Variants in CTNNA3 observed in about 807,000 individuals in gnomAD.
CTNNA3 encodes catenin alpha 3.
Under a neutral mutation model 95.7 loss-of-function variants are expected in CTNNA3, and 76 were observed. That is an observed-to-expected ratio of 0.79 (90% confidence interval 0.66 to 0.96). The LOEUF (loss-of-function observed/expected upper bound fraction) is 0.96. Ranked by LOEUF, CTNNA3 falls within the 40% of genes least tolerant of loss-of-function variation. CTNNA3 has a pLI of 0.00. For missense variants in CTNNA3, 1,191 were observed against 1,089.8 expected, an observed-to-expected ratio of 1.09 and a Z score of -1.31; for synonymous variants, 431 against 374.4, an observed-to-expected ratio of 1.15 and a Z score of -1.74.
chr10:66,097,494 T>C (rs753417387), intron 14 of CTNNA3, among the ~76,000 whole-genome samples: 1 of 152,178 alleles, frequency 6.6e-6, no homozygotes, highest in Non-Finnish European at 1.5e-5. Flanking sequence ...ATCATGATTT[T>C]ACAGATAAGA....
intron 15 of CTNNA3, among the ~76,000 whole-genome samples, chr10:65,994,180 T>C (rs2078600318): frequency 6.6e-6 from 1 of 152,210 alleles, no homozygotes; most frequent in African/African-American, 2.4e-5. Flanking sequence ...TGGTTTGGTG[T>C]TTTTCTGTAG....
At chr10:66,654,491 T>G (rs1006545087) in intron 9 of CTNNA3, among the ~76,000 whole-genome samples, 1 of 152,098 alleles carries the variant, frequency 6.6e-6, no homozygotes. Flanking sequence ...GGAACTCTTG[T>G]ACACTCCTGG....
chr10:67,711,097 C>T (rs1383092374), intron 1 of CTNNA3, among the ~76,000 whole-genome samples: 1 of 152,162 alleles, frequency 6.6e-6, no homozygotes, highest in Non-Finnish European at 1.5e-5. Context: ...TTATCTTCCA[C>T]CATGATTGTG....
chr10:66,083,188 T>A lies in CTNNA3; in HGVS notation c.1978-13699A>T, dbSNP rs143472455. On this transcript the variant is annotated intron_variant, in intron 14 of 17. Coordinates refer to ENST00000433211, the MANE Select transcript of CTNNA3 (RefSeq NM_013266.4). ...TTATAAACTGAGATGCTATAAAAAC[T>A]CACCTAATTTTGGATAACCACATAG... is the stretch of plus-strand genomic sequence containing the variant. 1.0e-3 allele frequency among the ~76,000 whole-genome samples: 153 copies of A among 152,308 alleles called. 1 individual carries two copies. Among genetic ancestry groups the A allele is most frequent in the South Asian group, 3.1e-3 (15 of 4,832 alleles).
At position 66,644,286 on chromosome 10, in the gene CTNNA3, CTG is replaced by C. The variant is rs1564589756; in HGVS notation, c.1282-22504_1282-22503del. ...TCTGTCTGTCTGTCTGTCTGTCTGTCTGTCTGTCTCTCTCTCTCTCTATATAT... is the reference window on the plus strand; with the variant it reads ...TCTGTCTGTCTGTCTGTCTGTCTGTCTCTGTCTCTCTCTCTCTCTATATAT... On this transcript the variant is annotated intron_variant, in intron 9 of 17. Coordinates refer to ENST00000433211, the MANE Select transcript of CTNNA3 (RefSeq NM_013266.4). Among the ~76,000 whole-genome samples, 633 of 109,542 alleles carry C rather than the reference CTG, an allele frequency of 5.8e-3. 7 individuals carry two copies. The highest frequency in any genetic ancestry group is 0.025 in the African/African-American group (571 of 22,718). The allele number at this position is 109,542 out of a possible 152,430, so 71.9% of individuals were successfully genotyped here. A position where few individuals can be genotyped will look rare whatever the true frequency, so the allele number is the denominator to read the frequency against.
At chr10:66,548,121 T>C (rs1842094903) in intron 10 of CTNNA3, among the ~76,000 whole-genome samples, 1 of 152,084 alleles carries the variant, frequency 6.6e-6, no homozygotes, top group Non-Finnish European at 1.5e-5. Context: ...TTCTCCATGT[T>C]GGTCAGGCTG....
At chr10:66,481,309 T>C (rs1839516749) in intron 11 of CTNNA3, among the ~76,000 whole-genome samples, 1 of 152,112 alleles carries the variant, frequency 6.6e-6, no homozygotes. Flanking sequence ...GTAGATTATT[T>C]AAAAATCAGA....
intron 5 of CTNNA3, among the ~76,000 whole-genome samples, chr10:67,233,616 G>C (rs1257449547): frequency 6.9e-6 from 1 of 145,606 alleles, no homozygotes; most frequent in African/African-American, 2.6e-5. Flanking sequence ...AAAAGCAAGA[G>C]CAAACACATT....
At chr10:66,740,907 A>G (rs1176598656) in intron 9 of CTNNA3, among the ~76,000 whole-genome samples, 1 of 152,204 alleles carries the variant, frequency 6.6e-6, no homozygotes, top group Non-Finnish European at 1.5e-5. Flanking sequence ...AAAGCTTACA[A>G]TCTAGACTGT....
intron 1 of CTNNA3, among the ~76,000 whole-genome samples, chr10:67,704,574 T>A (rs991882173): frequency 2.0e-4 from 31 of 152,224 alleles, no homozygotes; most frequent in East Asian, 1.2e-3. Flanking sequence ...GGCTAGCCAT[T>A]TGTAGAAAGC....
At chr10:66,282,275 G>A (rs2091506262) in intron 12 of CTNNA3, among the ~76,000 whole-genome samples, 1 of 151,768 alleles carries the variant, frequency 6.6e-6, no homozygotes, top group South Asian at 2.1e-4. Context: ...ATATATGGAT[G>A]TGACTCTCAA....
At chr10:66,767,153 G>T (rs371225149) in intron 8 of CTNNA3, among the ~76,000 whole-genome samples, 2 of 152,168 alleles carry the variant, frequency 1.3e-5, no homozygotes, top group South Asian at 2.1e-4. Context: ...AGTCTTTAAA[G>T]ATCATAATAT....
chr10:67,422,102 G>A (rs887832559), intron 5 of CTNNA3, among the ~76,000 whole-genome samples: 1 of 151,182 alleles, frequency 6.6e-6, no homozygotes, highest in Non-Finnish European at 1.5e-5. Flanking sequence ...ATGAAACTAA[G>A]GGAAAAAAAT....
chr10:67,519,611 T>C (rs181469065), intron 5 of CTNNA3, among the ~76,000 whole-genome samples: 2 of 152,256 alleles, frequency 1.3e-5, no homozygotes, highest in Non-Finnish European at 2.9e-5. Flanking sequence ...GGATTTGCCA[T>C]GAGTCAGATA....
chr10:67,191,689 G>C (rs1217521272), intron 6 of CTNNA3, among the ~76,000 whole-genome samples: 1 of 151,792 alleles, frequency 6.6e-6, no homozygotes, highest in Non-Finnish European at 1.5e-5. Context: ...GTGATCTATA[G>C]AGTCAAAACA....
At chr10:67,138,203 G>A (rs1405259437) in intron 7 of CTNNA3, among the ~76,000 whole-genome samples, 2 of 152,090 alleles carry the variant, frequency 1.3e-5, no homozygotes, top group African/African-American at 2.4e-5. Flanking sequence ...TAAAATCCAT[G>A]AGAAGTCTTG....
intron 11 of CTNNA3, among the ~76,000 whole-genome samples, chr10:66,469,636 T>C (rs1159881388): frequency 4.6e-5 from 7 of 151,870 alleles, no homozygotes; most frequent in African/African-American, 1.4e-4. Flanking sequence ...CATTTTAGTA[T>C]ACCCTGCACT....
intron 10 of CTNNA3, among the ~76,000 whole-genome samples, chr10:66,562,188 G>A (rs1211620265): frequency 1.3e-5 from 2 of 152,068 alleles, no homozygotes; most frequent in Non-Finnish European, 2.9e-5. Context: ...CAATTTTACT[G>A]AAATCTCATT....
At chr10:66,781,590 T>G (rs952816548) in intron 7 of CTNNA3, among the ~76,000 whole-genome samples, 1 of 152,156 alleles carries the variant, frequency 6.6e-6, no homozygotes, top group African/African-American at 2.4e-5. Flanking sequence ...AGCCAAAAAT[T>G]AACTCTGAGT....
Sources: allele counts gnomAD v4.1 joint callset (sites outside exome capture counted in the v4.1 genomes callset), GRCh38; gene constraint gnomAD v4.1.1; transcripts MANE v1.5; gene names NCBI Gene and HGNC (gene_info 2026-07-23, HGNC 2026-07-21).